HIGD2A: variants seen among roughly 807,000 people sequenced by gnomAD.
HIGD2A encodes the protein HIG1 domain family member 2A, mitochondrial.
HIGD2A carries 4 observed loss-of-function variants against 6.3 expected under a neutral mutation model. That is an observed-to-expected ratio of 0.64 (90% confidence interval 0.31 to 1.46). The LOEUF (loss-of-function observed/expected upper bound fraction) is 1.46. HIGD2A is among the 40% of genes most tolerant of loss of function. HIGD2A has a pLI of 0.07. For synonymous variants in HIGD2A, 63 were observed against 59.3 expected, an observed-to-expected ratio of 1.06 and a Z score of -0.29; for missense variants, 143 against 144.8, an observed-to-expected ratio of 0.99 and a Z score of 0.06.
chr5:176,389,196 TC>T, intron 1 of HIGD2A, 134 bp from the exon 2 acceptor site: 1 of 1,168,106 alleles, frequency 8.6e-7, no homozygotes, highest in South Asian at 1.4e-5. Context: ...TAGGAAGACC[TC>T]GACTCGACCT....
chr5:176,388,791 C>G lies in HIGD2A; in HGVS notation c.-29C>G, dbSNP rs71599493. 28,423 of 1,604,358 alleles carry G rather than the reference C, an allele frequency of 0.018. 351 individuals are homozygous for G. Among genetic ancestry groups the G allele is most frequent in the Middle Eastern group, 0.034 (193 of 5,678 alleles). On this transcript the variant is annotated 5_prime_UTR_variant, in exon 1 of 2. Coordinates refer to ENST00000274787, the MANE Select transcript of HIGD2A (RefSeq NM_138820.4). ...CACCGGGAGGCTGAGGTCGGAGTCC[C>G]GATTTTCTCCTGCTGCTGTGGCCCG... is the stretch of plus-strand genomic sequence containing the variant.
chr5:176,389,382 G>C lies in HIGD2A; in HGVS notation c.206G>C (p.Arg69Pro), dbSNP rs1406070483. 1.4e-5 allele frequency: 22 copies of C among 1,613,926 alleles called. No individual in the cohort carries two copies. Among genetic ancestry groups the C allele is most frequent in the East Asian group, 2.2e-5 (1 of 44,882 alleles). The change falls in exon 2 of 2, where the codon CGG becomes CCG. Residue 69 changes from arginine to proline, a missense_variant. Physicochemically the swap from Arg to Pro is moderately radical, Grantham distance 103 (BLOSUM62 -2). Coordinates refer to ENST00000274787, the MANE Select transcript of HIGD2A (RefSeq NM_138820.4). ...ACCTACGGCCTCTACTCCTTCCACC[G>C]GGGCAACAGCCAGCGCTCTCAGCTC... ...ALTYGLYSFHRGNSQRSQLMM... is the reference protein window; with the variant it reads ...ALTYGLYSFHPGNSQRSQLMM...
chr5:176,389,009 A>G, intron 1 of HIGD2A, 36 bp downstream of exon 1: 2 of 1,611,252 alleles, frequency 1.2e-6, no homozygotes, highest in Non-Finnish European at 1.7e-6. Context: ...CAAGGAGAGG[A>G]CAGTGATGTC....
rs747820490 is a variant in HIGD2A, at chr5:176,388,996, G to A, written c.154+23G>A. Reference sequence around the variant, plus strand: ...TAGGTAAGTGGGTGCGGTAGGAACTGCACAAGGAGAGGACAGTGATGTCGG... The same window carrying A: ...TAGGTAAGTGGGTGCGGTAGGAACTACACAAGGAGAGGACAGTGATGTCGG... On this transcript the variant is annotated intron_variant, in intron 1 of 1. Transcript: ENST00000274787. 42 of 1,613,224 alleles carry A rather than the reference G, an allele frequency of 2.6e-5. No homozygotes were observed. In the South Asian group the frequency reaches 4.5e-4, roughly 17 times the overall value.
chr5:176,389,095 G>C, intron 1 of HIGD2A, 122 bp downstream of exon 1: 1 of 1,344,994 alleles, frequency 7.4e-7, no homozygotes, highest in South Asian at 1.3e-5. Flanking sequence ...GAGACGAGGG[G>C]GCGGGGCGGT....
chr5:176,389,607 G>A lies in HIGD2A; in HGVS notation c.*110G>A. On this transcript the variant is annotated 3_prime_UTR_variant, in exon 2 of 2. Coordinates refer to ENST00000274787, the MANE Select transcript of HIGD2A (RefSeq NM_138820.4). ...CTCCTCTCCTTTGAGAGGCCCATGT[G>A]TCGCTGGGGAGGAAGTGACCCTTTG... 8.4e-7 allele frequency: 1 copy of A among 1,195,676 alleles called. No homozygotes were observed. Among genetic ancestry groups the A allele is most frequent in the Non-Finnish European group, 1.2e-6 (1 of 859,746 alleles). The allele number at this position is 1,195,676 out of a possible 1,614,324, so 74.1% of individuals were successfully genotyped here. A position where few individuals can be genotyped will look rare whatever the true frequency, so the allele number is the denominator to read the frequency against.
At chr5:176,389,164 A>G (rs530819153) in intron 1 of HIGD2A, among the ~76,000 whole-genome samples, 167 bp from the exon 2 acceptor site, 3 of 152,058 alleles carry the variant, frequency 2.0e-5, no homozygotes, top group African/African-American at 7.2e-5. Flanking sequence ...TTTGGGGCCT[A>G]AGATTGGGAG....
chr5:176,389,073 C>A, intron 1 of HIGD2A, 100 bp downstream of exon 1: 1 of 1,463,200 alleles, frequency 6.8e-7, no homozygotes, highest in Non-Finnish European at 9.4e-7. Flanking sequence ...GGAAGGAGAG[C>A]GGACTAGAGA....
At chr5:176,389,054 G>T (rs1756143029) in intron 1 of HIGD2A, 81 bp downstream of exon 1, 2 of 1,551,274 alleles carry the variant, frequency 1.3e-6, no homozygotes, top group Middle Eastern at 3.4e-4. Context: ...CAGAGCGCTA[G>T]CGGGGAGCGG....
chr5:176,388,796 T>A lies in HIGD2A; in HGVS notation c.-24T>A. ...GGAGGCTGAGGTCGGAGTCCCGATT[T>A]TCTCCTGCTGCTGTGGCCCGGACAT... On this transcript the variant is annotated 5_prime_UTR_variant, in exon 1 of 2. Transcript: ENST00000274787. 4.4e-6 allele frequency: 7 copies of A among 1,606,304 alleles called. No homozygotes were observed. The highest frequency in any genetic ancestry group is 5.9e-6 in the Non-Finnish European group (7 of 1,176,758).
In HIGD2A at chr5:176,388,936, C is replaced by G. The variant is rs764165420; in HGVS notation, c.117C>G (p.Phe39Leu). Residue 39 changes from phenylalanine to leucine, a missense_variant, in exon 1 of 2, where the codon TTC (phenylalanine) becomes TTG (leucine). Physicochemically the swap from Phe to Leu is conservative, Grantham distance 22. Coordinates refer to ENST00000274787, the MANE Select transcript of HIGD2A (RefSeq NM_138820.4). ...ATCCAGAGAGTTTCAAGGAAAAGTT[C>G]GTTCGCAAGACCCGCGAGAACCCGG... ...YRNPESFKEK[F>L]VRKTRENPVV... The G allele has an allele frequency of 6.2e-7, 1 of 1,614,098 alleles. No homozygotes were observed. Among genetic ancestry groups the G allele is most frequent in the Non-Finnish European group, 8.5e-7 (1 of 1,180,014 alleles).
rs575902227 is a variant in HIGD2A, at chr5:176,388,843, T to G, written c.24T>G (p.Ile8Met). Residue 8 changes from isoleucine to methionine, a missense_variant, in exon 1 of 2, where the codon ATT becomes ATG. Ile to Met is a conservative substitution (Grantham distance 10). Transcript: ENST00000274787. The stretch of plus-strand genomic sequence containing the variant: ...ACATGGCGACTCCCGGCCCTGTGAT[T>G]CCGGAGGTCCCCTTTGAACCATCGA... MATPGPVIPEVPFEPSKP... is the reference protein window; with the variant it reads MATPGPVMPEVPFEPSKP... 1.2e-6 allele frequency: 2 copies of G among 1,614,034 alleles called. No individual in the cohort carries two copies. The highest frequency in any genetic ancestry group is 2.2e-5 in the South Asian group (2 of 91,062).
At chr5:176,389,135 G>A (rs1038504419) in intron 1 of HIGD2A, among the ~76,000 whole-genome samples, 162 bp downstream of exon 1, 7 of 152,042 alleles carry the variant, frequency 4.6e-5, no homozygotes, top group Non-Finnish European at 8.8e-5. Flanking sequence ...AGCGGGAGCA[G>A]CGGGTTTAGG....
In HIGD2A at chr5:176,389,436, G is replaced by A; in HGVS notation, c.260G>A (p.Gly87Asp). 7.4e-6 allele frequency: 12 copies of A among 1,614,174 alleles called. No individual in the cohort carries two copies. The highest frequency in any genetic ancestry group is 1.0e-5 in the Non-Finnish European group (12 of 1,180,036). ...LMMRTRIAAQ[G>D]FTVAAILLGL... is the part of the protein sequence containing the mutation. ...ATGCGCACCCGGATCGCCGCCCAGG[G>A]TTTCACGGTCGCAGCCATCTTGCTG... is the stretch of plus-strand genomic sequence containing the variant. The change falls in exon 2 of 2, where the codon GGT (glycine) becomes GAT (aspartate). Residue 87 changes from glycine (G) to aspartate (D), a missense_variant. Transcript: ENST00000274787.
At position 176,388,871 on chromosome 5, in the gene HIGD2A, C is replaced by G. The variant is rs779495455; in HGVS notation, c.52C>G (p.Pro18Ala). 1.2e-6 allele frequency: 2 copies of G among 1,614,206 alleles called. No homozygotes were observed. Among genetic ancestry groups the G allele is most frequent in the Non-Finnish European group, 1.7e-6 (2 of 1,180,036 alleles). ...GGAGGTCCCCTTTGAACCATCGAAG[C>G]CTCCAGTCATTGAGGGGCTGAGCCC... ...IPEVPFEPSK[P>A]PVIEGLSPTV... The change falls in exon 1 of 2, where the codon CCT becomes GCT. Residue 18 changes from proline to alanine, a missense_variant. Physicochemically the swap from Pro to Ala is conservative, Grantham distance 27 (BLOSUM62 -1). Transcript: ENST00000274787.
Position 176,389,405 on chromosome 5 carries a change from C to A in HIGD2A, c.229C>A (p.Leu77Ile). ...FHRGNSQRSQ[L>I]MMRTRIAAQG... is the part of the protein sequence containing the mutation. Reference sequence around the variant, plus strand: ...CCGGGGCAACAGCCAGCGCTCTCAGCTCATGATGCGCACCCGGATCGCCGC... The same window carrying A: ...CCGGGGCAACAGCCAGCGCTCTCAGATCATGATGCGCACCCGGATCGCCGC... Residue 77 changes from leucine (L) to isoleucine (I), a missense_variant, in exon 2 of 2, where the codon CTC (leucine) becomes ATC (isoleucine). By Grantham distance (5) the Leu-to-Ile change is conservative. Coordinates refer to ENST00000274787, the MANE Select transcript of HIGD2A (RefSeq NM_138820.4). The A allele has an allele frequency of 6.2e-7, 1 of 1,614,190 alleles. No individual in the cohort carries two copies. Among genetic ancestry groups the A allele is most frequent in the East Asian group, 2.2e-5 (1 of 44,876 alleles).
rs1182671019 is a variant in HIGD2A, at chr5:176,388,891, G to C, written c.72G>C (p.Leu24=). ...CGAAGCCTCCAGTCATTGAGGGGCT[G>C]AGCCCCACTGTTTACAGGAATCCAG... is the stretch of plus-strand genomic sequence containing the variant. ...EPSKPPVIEG[L]SPTVYRNPES... The change falls in exon 1 of 2, where the codon CTG becomes CTC. Residue 24 remains leucine, a synonymous_variant. Transcript: ENST00000274787. 1 of 1,614,028 alleles carries C rather than the reference G, an allele frequency of 6.2e-7. No homozygotes were observed. Among genetic ancestry groups the C allele is most frequent in the Non-Finnish European group, 8.5e-7 (1 of 1,180,018 alleles).
Position 176,388,772 on chromosome 5 carries a change from G to C in HIGD2A, c.-48G>C, listed in dbSNP as rs774898452. The C allele has an allele frequency of 1.3e-6, 2 of 1,596,006 alleles. No individual in the cohort carries two copies. The highest frequency in any genetic ancestry group is 2.2e-5 in the South Asian group (2 of 89,502). On this transcript the variant is annotated 5_prime_UTR_variant, in exon 1 of 2. Transcript: ENST00000274787. ...CCGCCCCTTTCATGACCTTCACCGG[G>C]AGGCTGAGGTCGGAGTCCCGATTTT...
chr5:176,389,225 T>A, intron 1 of HIGD2A, 106 bp from the exon 2 acceptor site: 1 of 1,373,356 alleles, frequency 7.3e-7, no homozygotes, highest in Non-Finnish European at 1.0e-6. Flanking sequence ...CCGCCCTCCC[T>A]CCGCTGTGAT....
Sources: gnomAD v4.1 joint callset for allele counts (sites outside exome capture counted in the v4.1 genomes callset) on GRCh38, gnomAD v4.1.1 for gene constraint, MANE v1.5 for transcripts, NCBI Gene and HGNC (gene_info 2026-07-23, HGNC 2026-07-21) for gene names.